Variants in PKIB observed in about 807,000 individuals in gnomAD.
The protein encoded by PKIB is cAMP-dependent protein kinase inhibitor beta, also known as PKI-beta.
Under a neutral mutation model 4.5 loss-of-function variants are expected in PKIB, and 2 were observed. The ratio of observed to expected loss-of-function variants is 0.44; its 90% CI spans 0.18 to 1.39. The LOEUF (loss-of-function observed/expected upper bound fraction) is 1.39. Among genes scored for constraint, PKIB ranks in the 40% most tolerant of loss-of-function variants. PKIB has a pLI of 0.27. For synonymous variants in PKIB, 38 were observed against 36.0 expected (o/e 1.06, Z -0.20); for missense variants, 94 against 92.6 (o/e 1.02, Z -0.06).
In PKIB at chr6:122,539,046, T is replaced by C. The variant is rs549011874; in HGVS notation, c.-247-46875T>C. 5.0e-3 allele frequency among the ~76,000 whole-genome samples: 758 copies of C among 152,246 alleles called. 11 individuals carry two copies. Among genetic ancestry groups the C allele is most frequent in the African/African-American group, 0.017 (716 of 41,482 alleles). ...ACATTGATTTTGTATCCTGAGACTT[T>C]GCTGAAGTTGCTTATCAGCTTAAGG... On this transcript the variant is annotated intron_variant, in intron 2 of 6. Transcript: ENST00000392491.
intron 2 of PKIB, among the ~76,000 whole-genome samples, chr6:122,570,715 C>G (rs577201380): frequency 5.9e-5 from 9 of 151,784 alleles, no homozygotes; most frequent in Non-Finnish European, 1.3e-4. Flanking sequence ...AAGTCAGATT[C>G]CTAAGAGGGA....
intron 2 of PKIB, among the ~76,000 whole-genome samples, chr6:122,544,745 C>A (rs1259919347): frequency 6.6e-6 from 1 of 152,082 alleles, no homozygotes; most frequent in Non-Finnish European, 1.5e-5. Flanking sequence ...AACTATGTAT[C>A]TGTCAATGGT....
At chr6:122,569,595 C>T (rs538848832) in intron 2 of PKIB, among the ~76,000 whole-genome samples, 3 of 152,334 alleles carry the variant, frequency 2.0e-5, no homozygotes, top group South Asian at 4.1e-4. Flanking sequence ...CTACCACCTT[C>T]GTCAGAAATG....
chr6:122,635,871 T>C (rs1775899691), intron 2 of PKIB, among the ~76,000 whole-genome samples: 1 of 152,148 alleles, frequency 6.6e-6, no homozygotes, highest in African/African-American at 2.4e-5. Context: ...ATAAAACTTC[T>C]GCTTTCTGAT....
At chr6:122,682,439 A>C (rs1308763735) in intron 3 of PKIB, among the ~76,000 whole-genome samples, 1 of 152,154 alleles carries the variant, frequency 6.6e-6, no homozygotes, top group African/African-American at 2.4e-5. Flanking sequence ...TTATTTTATA[A>C]AAAATAATTT....
chr6:122,645,447 T>C (rs1431639505), intron 2 of PKIB, among the ~76,000 whole-genome samples: 1 of 152,178 alleles, frequency 6.6e-6, no homozygotes, highest in Non-Finnish European at 1.5e-5. Context: ...AACAGGAGGT[T>C]GTCCTGGCAG....
intron 2 of PKIB, among the ~76,000 whole-genome samples, chr6:122,672,434 T>A (rs1455277874): frequency 6.6e-6 from 1 of 152,244 alleles, no homozygotes; most frequent in African/African-American, 2.4e-5. Flanking sequence ...GATAAATTTC[T>A]GCTGATTCAC....
chr6:122,699,253 TA>T (rs147271741), intron 3 of PKIB, among the ~76,000 whole-genome samples: 37,406 of 132,816 alleles, frequency 0.28, 5,142 homozygotes, highest in East Asian at 0.48. Flanking sequence ...AGTATAATAA[TA>T]AAAAAAAAAG....
chr6:122,484,954 C>T (rs968419456), intron 2 of PKIB, among the ~76,000 whole-genome samples: 1 of 152,182 alleles, frequency 6.6e-6, no homozygotes, highest in Non-Finnish European at 1.5e-5. Flanking sequence ...ACCACTCTTA[C>T]ACTGCCTCGT....
At chr6:122,520,661 T>TTCCCCCCCCCC (rs1562237597) in intron 2 of PKIB, among the ~76,000 whole-genome samples, 1 of 55,544 alleles carries the variant, frequency 1.8e-5, no homozygotes, top group Non-Finnish European at 3.8e-5. Context: ...AAGTTTATGT[T>TTCCCCCCCCCC]CCCACCCCCC....
Position 122,471,996 on chromosome 6 carries a change from A to G in PKIB, c.-382A>G, listed in dbSNP as rs149754836. ...CTCAAGGACTGCTGGCTGGAAACTT[A>G]ACGGCTAATGTGGATCTGACCGTAG... On this transcript the variant is annotated 5_prime_UTR_variant, in exon 1 of 7. Transcript: ENST00000392491. 9.8e-5 allele frequency: 80 copies of G among 819,218 alleles called. No individual in the cohort carries two copies. The African/African-American group carries it at 1.0e-3, about 10-fold the overall frequency. The allele number at this position is 819,218 out of a possible 1,614,324, so 50.7% of individuals were successfully genotyped here.
At chr6:122,478,004 T>A (rs1490504822) in intron 2 of PKIB, 1 of 152,202 alleles carries the variant, frequency 6.6e-6, no homozygotes, top group Non-Finnish European at 1.5e-5. Context: ...TCATATCCCG[T>A]AACCCGCTTT....
chr6:122,552,619 C>G (rs540883187), intron 2 of PKIB, among the ~76,000 whole-genome samples: 2 of 152,250 alleles, frequency 1.3e-5, no homozygotes, highest in East Asian at 3.9e-4. Context: ...CTCAAGTGAT[C>G]TGCCCGCCTT....
chr6:122,531,633 C>A (rs1319106102), intron 2 of PKIB, among the ~76,000 whole-genome samples: 1 of 152,124 alleles, frequency 6.6e-6, no homozygotes, highest in African/African-American at 2.4e-5. Flanking sequence ...GCTTTTGAGA[C>A]CCATCCCAGG....
intron 1 of PKIB, among the ~76,000 whole-genome samples, chr6:122,627,075 A>C (rs1775478213): frequency 6.7e-6 from 1 of 149,846 alleles, no homozygotes; most frequent in Non-Finnish European, 1.5e-5. Context: ...TCTACTAAAA[A>C]AAAAAAAAAA....
chr6:122,711,962 A>G (rs1378714423), intron 3 of PKIB, among the ~76,000 whole-genome samples: 1 of 152,168 alleles, frequency 6.6e-6, no homozygotes, highest in Non-Finnish European at 1.5e-5. Context: ...AACCAAAGGT[A>G]GGGTTCCCTT....
At chr6:122,599,429 T>C (rs1774285605) in intron 3 of PKIB, among the ~76,000 whole-genome samples, 1 of 152,202 alleles carries the variant, frequency 6.6e-6, no homozygotes, top group Non-Finnish European at 1.5e-5. Flanking sequence ...TGTGCATGCA[T>C]TTTTCATTGC....
chr6:122,704,761 T>A (rs1778988519), intron 3 of PKIB, among the ~76,000 whole-genome samples: 1 of 152,032 alleles, frequency 6.6e-6, no homozygotes, highest in Non-Finnish European at 1.5e-5. Context: ...TGTTTATGTT[T>A]AGAGAGATTA....
rs147485381 is a variant in PKIB at position 122,548,191 on chromosome 6, T to C, written c.-247-37730T>C. On this transcript the variant is annotated intron_variant, in intron 2 of 6. Coordinates refer to the PKIB transcript ENST00000392491. ...TTTGAAATACACCTGAGAATTATAG[T>C]AGCTTAAAGATGACCCTTGACTCAT... Among the ~76,000 whole-genome samples, 1,278 of 152,300 alleles carry C rather than the reference T, an allele frequency of 8.4e-3. 10 individuals are homozygous for C. Among genetic ancestry groups the C allele is most frequent in the Non-Finnish European group, 0.013 (901 of 68,022 alleles).
Sources: allele counts gnomAD v4.1 joint callset (sites outside exome capture counted in the v4.1 genomes callset), GRCh38; gene constraint gnomAD v4.1.1; transcripts MANE v1.5; gene names NCBI Gene and HGNC (gene_info 2026-07-23, HGNC 2026-07-21).